Variants in PKP4 observed in about 807,000 individuals in gnomAD.
PKP4 encodes plakophilin 4, also known as plakophilin-4.
In PKP4, 90 loss-of-function variants were observed where a neutral mutation model predicts 145.1. The observed-to-expected ratio is 0.62, with a 90% CI of 0.52 to 0.74. The LOEUF is 0.74. Ranked by LOEUF, PKP4 falls within the 30% of genes least tolerant of loss-of-function variation. PKP4 has a pLI of 0.00. For synonymous variants in PKP4, 563 were observed against 577.2 expected (o/e 0.98, Z 0.35); for missense variants, 1,340 against 1,482.7 (o/e 0.90, Z 1.58).
chr2:158,676,610 AT>A, intron 19 of PKP4, 128 bp from the exon 20 acceptor site: 1 of 1,127,762 alleles, frequency 8.9e-7, no homozygotes, highest in Non-Finnish European at 1.3e-6. Context: ...CCTCTGAGAT[AT>A]TTTCAGCACC....
intron 2 of PKP4, among the ~76,000 whole-genome samples, chr2:158,561,966 C>T (rs1303530435): frequency 7.2e-6 from 1 of 139,614 alleles, no homozygotes; most frequent in Non-Finnish European, 1.5e-5. Flanking sequence ...GTGTGATGCT[C>T]CCCGCCCTGT....
intron 1 of PKP4, among the ~76,000 whole-genome samples, chr2:158,484,283 G>A (rs1370936133): frequency 2.0e-5 from 3 of 152,018 alleles, no homozygotes; most frequent in African/African-American, 4.8e-5. Context: ...TCCTGACCTC[G>A]TGATCCACCC....
At chr2:158,608,442 T>C (rs1388537321) in intron 4 of PKP4, among the ~76,000 whole-genome samples, 1 of 152,204 alleles carries the variant, frequency 6.6e-6, no homozygotes, top group Non-Finnish European at 1.5e-5. Flanking sequence ...CAGATACTAA[T>C]TCAGTGGCTA....
intron 3 of PKP4, among the ~76,000 whole-genome samples, chr2:158,595,188 G>A (rs890883349): frequency 6.6e-6 from 1 of 152,144 alleles, no homozygotes; most frequent in African/African-American, 2.4e-5. Flanking sequence ...CAGGAAAAAC[G>A]GAACTGGTTG....
At chr2:158,497,808 T>C (rs1695959197) in intron 1 of PKP4, among the ~76,000 whole-genome samples, 1 of 152,236 alleles carries the variant, frequency 6.6e-6, no homozygotes, top group Non-Finnish European at 1.5e-5. Flanking sequence ...CATTAACTTT[T>C]CAGAGATGAA....
intron 1 of PKP4, among the ~76,000 whole-genome samples, chr2:158,466,341 A>T (rs913732078): frequency 1.3e-5 from 2 of 152,134 alleles, no homozygotes; most frequent in African/African-American, 2.4e-5. Context: ...TTTAGACTTT[A>T]AAAAAATGCT....
intron 1 of PKP4, among the ~76,000 whole-genome samples, chr2:158,489,704 T>G (rs1694668469): frequency 6.6e-6 from 1 of 152,238 alleles, no homozygotes; most frequent in Admixed American, 6.5e-5. Context: ...CATTTAAACC[T>G]TATGTTATTC....
At chr2:158,573,546 C>G (rs985358638) in intron 2 of PKP4, among the ~76,000 whole-genome samples, 2 of 150,960 alleles carry the variant, frequency 1.3e-5, no homozygotes, top group Non-Finnish European at 2.9e-5. Context: ...GTACCTTGGT[C>G]AGATTCACAG....
At chr2:158,504,809 G>A (rs1033857043) in intron 1 of PKP4, among the ~76,000 whole-genome samples, 1 of 152,166 alleles carries the variant, frequency 6.6e-6, no homozygotes, top group Non-Finnish European at 1.5e-5. Flanking sequence ...AGTTTATTAT[G>A]AGAGTTCTGA....
At chr2:158,631,962 C>G (rs1391154409) in intron 8 of PKP4, 21 bp downstream of exon 8, 1 of 1,608,342 alleles carries the variant, frequency 6.2e-7, no homozygotes, top group Non-Finnish European at 8.5e-7. Flanking sequence ...ACTCTGTTTA[C>G]TGGTTTCCTG....
At chr2:158,554,653 C>T (rs1056976877) in intron 2 of PKP4, among the ~76,000 whole-genome samples, 3 of 152,090 alleles carry the variant, frequency 2.0e-5, no homozygotes, top group African/African-American at 2.4e-5. Context: ...TCTCGATCTC[C>T]TGACCTCGTG....
intron 1 of PKP4, among the ~76,000 whole-genome samples, chr2:158,502,583 C>T (rs1040533522): frequency 3.3e-5 from 5 of 152,172 alleles, no homozygotes; most frequent in Non-Finnish European, 7.4e-5. Context: ...CCATGTGGAT[C>T]GCTGCAGTCA....
At chr2:158,459,179 T>C (rs1369739848) in intron 1 of PKP4, among the ~76,000 whole-genome samples, 1 of 152,200 alleles carries the variant, frequency 6.6e-6, no homozygotes, top group Non-Finnish European at 1.5e-5. Context: ...TTCGTTTTGG[T>C]GCCTGTGAAA....
chr2:158,576,070 A>G (rs2047821788), intron 2 of PKP4, among the ~76,000 whole-genome samples: 1 of 152,174 alleles, frequency 6.6e-6, no homozygotes, highest in Non-Finnish European at 1.5e-5. Context: ...AGTTGGGATC[A>G]TTAGGAAAGG....
intron 4 of PKP4, among the ~76,000 whole-genome samples, chr2:158,609,942 C>T (rs982932091): frequency 1.3e-5 from 2 of 152,148 alleles, no homozygotes; most frequent in African/African-American, 4.8e-5. Context: ...TCCCAAAGAA[C>T]GAGGAAGAGC....
rs1397373784 is a variant in PKP4, at chr2:158,624,970, T to C, written c.696T>C (p.Pro232=). 6.2e-7 allele frequency: 1 copy of C among 1,614,022 alleles called. No homozygotes were observed. Among genetic ancestry groups the C allele is most frequent in the Non-Finnish European group, 8.5e-7 (1 of 1,180,008 alleles). The change falls in exon 7 of 22, where the codon CCT becomes CCC. Residue 232 remains proline (P), a synonymous_variant. Coordinates refer to ENST00000389759, the MANE Select transcript of PKP4 (RefSeq NM_003628.6). The stretch of plus-strand genomic sequence containing the variant: ...ATGTTATCAGCACAGGCGTGTCTCC[T>C]TCAAGGGGGTCTCTGAGAACTTCTC... ...PSYVISTGVS[P]SRGSLRTSLG... is the part of the protein sequence containing the mutation.
chr2:158,572,078 A>G (rs1487166583), intron 2 of PKP4, among the ~76,000 whole-genome samples: 1 of 152,202 alleles, frequency 6.6e-6, no homozygotes, highest in Non-Finnish European at 1.5e-5. Context: ...AGAGAAAACA[A>G]AAGAAGAAAG....
At chr2:158,574,756 G>A (rs2068126) in intron 2 of PKP4, among the ~76,000 whole-genome samples, 22,824 of 152,114 alleles carry the variant, frequency 0.15, 1,950 homozygotes, top group Middle Eastern at 0.24. Context: ...TTGTGGGCAC[G>A]TAATAGGTTG....
At chr2:158,637,428 G>A (rs1009739353) in intron 9 of PKP4, among the ~76,000 whole-genome samples, 6 of 152,090 alleles carry the variant, frequency 3.9e-5, no homozygotes, top group African/African-American at 9.7e-5. Flanking sequence ...TAAGGACTTC[G>A]GATAGTCCAC....
Sources: gnomAD v4.1 joint callset for allele counts (sites outside exome capture counted in the v4.1 genomes callset) on GRCh38, gnomAD v4.1.1 for gene constraint, MANE v1.5 for transcripts, NCBI Gene and HGNC (gene_info 2026-07-23, HGNC 2026-07-21) for gene names.